The following KRT80 variants were observed in gnomAD, a reference collection of about 807,000 sequenced individuals.
KRT80 encodes keratin, type II cytoskeletal 80.
In KRT80, 36 loss-of-function variants were observed where a neutral mutation model predicts 51.5. The observed-to-expected ratio is 0.70, with a 90% confidence interval of 0.54 to 0.92. The LOEUF (loss-of-function observed/expected upper bound fraction) is 0.92, where lower values mean the gene tolerates loss of function less well. Among genes scored for constraint, KRT80 ranks in the 40% least tolerant of loss-of-function variants. The probability of loss-of-function intolerance (pLI) is 0.00; values close to 1 mark genes in which losing one functional copy is unlikely to be tolerated. For synonymous variants in KRT80, 235 were observed against 248.3 expected (o/e 0.95, Z 0.50); for missense variants, 566 against 591.7 (o/e 0.96, Z 0.45).
intron 4 of KRT80, among the ~76,000 whole-genome samples, chr12:52,177,178 A>T (rs1401010264): frequency 1.3e-5 from 2 of 152,218 alleles, no homozygotes; most frequent in Admixed American, 1.3e-4. Flanking sequence ...CACTTAGCAC[A>T]GTGTCTGGAA....
At position 52,170,560 on chromosome 12, in the gene KRT80, C is replaced by T. The variant is rs1451090129; in HGVS notation, c.*838G>A. On this transcript the variant is annotated 3_prime_UTR_variant, in exon 9 of 9. Transcript: ENST00000394815. The stretch of plus-strand genomic sequence containing the variant: ...GAGCTCAGATCCAGGCTGGGTAGGA[C>T]CCCAGCATGGCAGGGAGGTGAAAGG... 6.6e-6 allele frequency: 1 copy of T among 152,202 alleles called. No homozygotes were observed. Among genetic ancestry groups the T allele is most frequent in the African/African-American group, 2.4e-5 (1 of 41,438 alleles). 9.4% of individuals were successfully genotyped at this position (152,202 alleles called of 1,614,324 possible).
chr12:52,176,273 C>G (rs1327531550), intron 4 of KRT80, among the ~76,000 whole-genome samples: 1 of 152,140 alleles, frequency 6.6e-6, no homozygotes, highest in Non-Finnish European at 1.5e-5. Context: ...GGATGGGACC[C>G]CTGGAGAGCA....
rs372622192 is a variant in KRT80 at position 52,172,988 on chromosome 12, T to C, written c.957+50A>G. 8.4e-5 allele frequency: 132 copies of C among 1,575,288 alleles called. No individual in the cohort carries two copies. In the African/African-American group the frequency reaches 1.3e-3, roughly 15 times the overall value. The stretch of plus-strand genomic sequence containing the variant: ...CCTGTATTCAGCACACATGACTGTG[T>C]GTCTCCCTGCTCTCCTCCCCGCCCC... On this transcript the variant is annotated intron_variant, in intron 6 of 8. Transcript: ENST00000394815.
chr12:52,173,465 G>T, intron 5 of KRT80, 135 bp downstream of exon 5: 2 of 852,828 alleles, frequency 2.3e-6, no homozygotes, highest in Non-Finnish European at 3.7e-6. Flanking sequence ...CCCCGTCCCT[G>T]TGCTTCTCCA....
intron 3 of KRT80, 22 bp from the exon 4 acceptor site, chr12:52,180,630 A>C: frequency 1.3e-6 from 2 of 1,524,208 alleles, no homozygotes; most frequent in Non-Finnish European, 1.8e-6. Flanking sequence ...AGCAGTGGTG[A>C]GTGGTGGGAG....
chr12:52,189,402 A>C (rs1033897409), intron 1 of KRT80, among the ~76,000 whole-genome samples: 1 of 152,214 alleles, frequency 6.6e-6, no homozygotes, highest in Non-Finnish European at 1.5e-5. Flanking sequence ...TAATATACTT[A>C]ATATATACCA....
Position 52,180,922 on chromosome 12 carries a change from GTGA to G in KRT80, c.548_550del (p.Phe183_Thr184delinsSer). ...GGCTACCTTCTTCAGCTGAACAAAG[GTGA>G]ACTCCATGTCTGTGCGCTTGGAGAT... is the stretch of plus-strand genomic sequence containing the variant. On this transcript the variant is annotated inframe_deletion, in exon 3 of 9. Transcript: ENST00000394815. The G allele has an allele frequency of 1.3e-6, 2 of 1,575,058 alleles. No homozygotes were observed. Among genetic ancestry groups the G allele is most frequent in the Non-Finnish European group, 1.7e-6 (2 of 1,164,470 alleles).
chr12:52,180,820 A>C, intron 3 of KRT80, 83 bp downstream of exon 3: 1 of 1,606,164 alleles, frequency 6.2e-7, no homozygotes, highest in East Asian at 2.2e-5. Flanking sequence ...TTGATTGGGC[A>C]TAAAGGAGAG....
At chr12:52,182,924 A>G (rs1481901364) in intron 2 of KRT80, among the ~76,000 whole-genome samples, 3 of 152,174 alleles carry the variant, frequency 2.0e-5, no homozygotes, top group African/African-American at 7.2e-5. Flanking sequence ...CTTAAGACCA[A>G]TACTGTTTCA....
Position 52,169,142 on chromosome 12 carries a change from G to A in KRT80, c.*2256C>T, listed in dbSNP as rs532429986. On this transcript the variant is annotated 3_prime_UTR_variant, in exon 9 of 9. Transcript: ENST00000394815. ...GAAGGGGGAGCAGGCATATCACATG[G>A]CGAGAAAGAGGGGAGAGGTCTCAGA... 6.6e-6 allele frequency: 1 copy of A among 152,306 alleles called. No individual in the cohort carries two copies. The highest frequency in any genetic ancestry group is 2.1e-4 in the South Asian group (1 of 4,820). The allele number at this position is 152,306 out of a possible 1,614,324, so 9.4% of individuals were successfully genotyped here. A position where few individuals can be genotyped will look rare whatever the true frequency, so the allele number is the denominator to read the frequency against.
In KRT80 at chr12:52,191,518, G is replaced by T. The variant is rs867259671; in HGVS notation, c.300+85C>A. ...GCTGGGTGCAGGGGTGGGGCGCGGTGATCGATGCTCAGGGAAACACAGAGC... is the reference window on the plus strand; with the variant it reads ...GCTGGGTGCAGGGGTGGGGCGCGGTTATCGATGCTCAGGGAAACACAGAGC... On this transcript the variant is annotated intron_variant, in intron 1 of 8. Transcript: ENST00000394815. 2.9e-6 allele frequency: 4 copies of T among 1,359,160 alleles called. No individual in the cohort carries two copies. In the Admixed American group the frequency reaches 6.7e-5, roughly 23 times the overall value. 84.2% of individuals were successfully genotyped at this position (1,359,160 alleles called of 1,614,324 possible).
Position 52,171,429 on chromosome 12 carries a change from T to A in KRT80, c.1328A>T (p.Tyr443Phe). The A allele has an allele frequency of 6.2e-7, 1 of 1,610,274 alleles. No individual in the cohort carries two copies. The highest frequency in any genetic ancestry group is 8.5e-7 in the Non-Finnish European group (1 of 1,178,130). The change falls in exon 9 of 9, where the codon TAC becomes TTC. Residue 443 changes from tyrosine (Y) to phenylalanine (F), a missense_variant. Transcript: ENST00000394815. ...TGAGACCTCCGACTCCTGCGAGAAG[T>A]ACTTCTCTGACATTTCGGTGATTTT... ...VIKITEMSEK[Y>F]FSQESEVSE
chr12:52,178,346 C>A (rs1226571260), intron 4 of KRT80, among the ~76,000 whole-genome samples: 2 of 152,258 alleles, frequency 1.3e-5, no homozygotes, highest in Non-Finnish European at 2.9e-5. Context: ...GAGGCACTCT[C>A]TGACCCAAAG....
chr12:52,178,690 G>T (rs186372848), intron 4 of KRT80, among the ~76,000 whole-genome samples: 166 of 152,310 alleles, frequency 1.1e-3, no homozygotes, highest in African/African-American at 3.8e-3. Context: ...AAGGGACCTT[G>T]CCCAGGCTGT....
rs534259766 is a variant in KRT80, at chr12:52,181,141, C to G, written c.510-178G>C. 5.5e-4 allele frequency among the ~76,000 whole-genome samples: 84 copies of G among 152,222 alleles called. No individual in the cohort carries two copies. The East Asian group carries it at 0.012, about 21-fold the overall frequency. ...CTATGACACATCCTCTCTCTCTCCC[C>G]CCGACCTCCTGGCATTGGCTCCCCG... On this transcript the variant is annotated intron_variant, in intron 2 of 8. Coordinates refer to ENST00000394815, the MANE Select transcript of KRT80 (RefSeq NM_182507.3).
chr12:52,188,193 A>G (rs2120945627), intron 1 of KRT80, among the ~76,000 whole-genome samples: 1 of 152,286 alleles, frequency 6.6e-6, no homozygotes, highest in African/African-American at 2.4e-5. Flanking sequence ...GAGAGGTGCC[A>G]GGTTAATTGC....
At chr12:52,184,544 T>G (rs1565697885) in intron 2 of KRT80, among the ~76,000 whole-genome samples, 1 of 152,174 alleles carries the variant, frequency 6.6e-6, no homozygotes, top group Non-Finnish European at 1.5e-5. Flanking sequence ...CATGCCACAC[T>G]CTCAACTTCC....
In KRT80 at chr12:52,171,725, G is replaced by A; in HGVS notation, c.1179-12C>T. On this transcript the variant is annotated splice_polypyrimidine_tract_variant and intron_variant, in intron 7 of 8. Coordinates refer to ENST00000394815, the MANE Select transcript of KRT80 (RefSeq NM_182507.3). ...AGGGCGAGTCCATCCTGGGGGTGGG[G>A]GACGGGGGGGTGGGAGAGGGATATG... The A allele has an allele frequency of 1.4e-6, 2 of 1,449,656 alleles. No homozygotes were observed. Among genetic ancestry groups the A allele is most frequent in the Non-Finnish European group, 1.9e-6 (2 of 1,053,928 alleles). The allele number at this position is 1,449,656 out of a possible 1,614,324, so 89.8% of individuals were successfully genotyped here.
intron 4 of KRT80, among the ~76,000 whole-genome samples, chr12:52,179,448 T>C (rs968914910): frequency 7.2e-5 from 11 of 152,206 alleles, no homozygotes; most frequent in African/African-American, 2.7e-4. Context: ...AGGGCTGCCT[T>C]CCTGCTGCTC....
Sources: allele counts gnomAD v4.1 joint callset (sites outside exome capture counted in the v4.1 genomes callset), GRCh38; gene constraint gnomAD v4.1.1; transcripts MANE v1.5; gene names NCBI Gene and HGNC (gene_info 2026-07-23, HGNC 2026-07-21).